MAGI2: variants seen among roughly 807,000 people sequenced by gnomAD.
MAGI2 encodes membrane associated guanylate kinase, WW and PDZ domain containing 2, also known as membrane-associated guanylate kinase, WW and PDZ domain-containing protein 2.
In MAGI2, 35 loss-of-function variants were observed where a neutral mutation model predicts 133.3. That is an observed-to-expected ratio of 0.26 (90% CI 0.20 to 0.35). The LOEUF is 0.35. Ranked by LOEUF, MAGI2 falls within the 10% of genes least tolerant of loss-of-function variation. The probability of loss-of-function intolerance (pLI) is 1.00; values close to 1 mark genes in which losing one functional copy is unlikely to be tolerated. For synonymous variants in MAGI2, 729 were observed against 710.6 expected (o/e 1.03, Z -0.41); for missense variants, 1,636 against 1,863.4 (o/e 0.88, Z 2.25).
chr7:78,246,895 C>T (rs1233994613), intron 10 of MAGI2, among the ~76,000 whole-genome samples: 6 of 152,184 alleles, frequency 3.9e-5, no homozygotes, highest in Non-Finnish European at 5.9e-5. Context: ...AAGCTGGCCC[C>T]CTGGGCCTAA....
intron 3 of MAGI2, among the ~76,000 whole-genome samples, chr7:78,605,344 C>T (rs958192377): frequency 3.3e-5 from 5 of 152,162 alleles, no homozygotes; most frequent in Non-Finnish European, 1.5e-5. Flanking sequence ...CTAATTTAGG[C>T]AACTGGGTGG....
At chr7:78,245,214 G>C (rs1791636667) in intron 10 of MAGI2, among the ~76,000 whole-genome samples, 1 of 152,138 alleles carries the variant, frequency 6.6e-6, no homozygotes, top group Non-Finnish European at 1.5e-5. Flanking sequence ...GATATTCAAG[G>C]ATAAAACTCC....
At chr7:78,864,975 T>C (rs1006607603) in intron 2 of MAGI2, among the ~76,000 whole-genome samples, 5 of 152,136 alleles carry the variant, frequency 3.3e-5, no homozygotes, top group Non-Finnish European at 7.4e-5. Flanking sequence ...GCGCAACTAG[T>C]TCCTAAATTT....
At chr7:78,353,008 C>T (rs1274999794) in intron 7 of MAGI2, 1 of 152,194 alleles carries the variant, frequency 6.6e-6, no homozygotes, top group Non-Finnish European at 1.5e-5. Context: ...TTCAGAGCCA[C>T]TAGGCATGCA....
intron 1 of MAGI2, among the ~76,000 whole-genome samples, chr7:79,129,875 C>T (rs1034270108): frequency 3.3e-5 from 5 of 152,278 alleles, no homozygotes; most frequent in South Asian, 4.1e-4. Context: ...AAATGCTGCA[C>T]ATTTCTTGTA....
chr7:78,568,926 T>C (rs1455949400), intron 3 of MAGI2, among the ~76,000 whole-genome samples: 2 of 152,168 alleles, frequency 1.3e-5, no homozygotes, highest in Admixed American at 1.3e-4. Flanking sequence ...TCCTTGCTAT[T>C]CCTTGACCGT....
At chr7:78,059,777 A>ATATTTTTTTT (rs368179491) in intron 21 of MAGI2, among the ~76,000 whole-genome samples, 71 of 146,138 alleles carry the variant, frequency 4.9e-4, no homozygotes, top group African/African-American at 1.7e-3. Flanking sequence ...ATATATATAT[A>ATATTTTTTTT]TTTTTTTTCT....
chr7:79,096,151 G>T lies in MAGI2; in HGVS notation c.302-88945C>A, dbSNP rs1362134597. Among the ~76,000 whole-genome samples the T allele has an allele frequency of 2.6e-5, 4 of 152,098 alleles. No individual in the cohort carries two copies. The East Asian group carries it at 7.7e-4, about 29-fold the overall frequency. Reference sequence around the variant, plus strand: ...GAATATGGTGTTGCTGGGAGGCATTGCTGGGAAGCATTGCTGGGATTCTCG... The same window carrying T: ...GAATATGGTGTTGCTGGGAGGCATTTCTGGGAAGCATTGCTGGGATTCTCG... On this transcript the variant is annotated intron_variant, in intron 1 of 21. Transcript: ENST00000354212.
chr7:78,943,498 T>G (rs1293875714), intron 2 of MAGI2, among the ~76,000 whole-genome samples: 5 of 152,158 alleles, frequency 3.3e-5, no homozygotes, highest in African/African-American at 1.2e-4. Context: ...GGAGGACCAG[T>G]GAAATGGCCT....
At chr7:78,749,251 A>G (rs1027006564) in intron 2 of MAGI2, among the ~76,000 whole-genome samples, 2 of 152,168 alleles carry the variant, frequency 1.3e-5, no homozygotes, top group African/African-American at 2.4e-5. Context: ...CATGGAGTTC[A>G]GGGAAGGGAA....
intron 1 of MAGI2, among the ~76,000 whole-genome samples, chr7:79,188,318 A>T (rs7791506): frequency 0.18 from 26,993 of 151,064 alleles, 5,568 homozygotes; most frequent in African/African-American, 0.49. Context: ...GTTGCTCTTT[A>T]CCCTGTGTCC....
intron 1 of MAGI2, among the ~76,000 whole-genome samples, chr7:79,009,622 G>A (rs1807842303): frequency 6.6e-6 from 1 of 152,006 alleles, no homozygotes; most frequent in Non-Finnish European, 1.5e-5. Context: ...TTAGTTTTGG[G>A]CAGAAACCTG....
chr7:78,333,812 C>T (rs1370681111), intron 9 of MAGI2, among the ~76,000 whole-genome samples: 14 of 152,146 alleles, frequency 9.2e-5, no homozygotes, highest in Admixed American at 9.2e-4. Flanking sequence ...GGTGATGAGT[C>T]CCAAAGGAAG....
chr7:79,034,581 C>CCTTCTTAGTGTATTCACTAAG (rs1342969800), intron 1 of MAGI2, among the ~76,000 whole-genome samples: 1 of 152,204 alleles, frequency 6.6e-6, no homozygotes, highest in South Asian at 2.1e-4. Context: ...GGTGAATACA[C>CCTTCTTAGTGTATTCACTAAG]AATCTTTGTG....
intron 1 of MAGI2, among the ~76,000 whole-genome samples, chr7:79,330,820 T>G (rs1840026090): frequency 1.3e-5 from 2 of 152,140 alleles, no homozygotes; most frequent in Non-Finnish European, 2.9e-5. Flanking sequence ...AGTATAAATA[T>G]GCAATACAAG....
intron 9 of MAGI2, among the ~76,000 whole-genome samples, chr7:78,282,176 TGGAA>T (rs1176498753): frequency 2.9e-5 from 4 of 135,932 alleles, no homozygotes; most frequent in Non-Finnish European, 6.0e-5. Context: ...AAAGAAGCTT[TGGAA>T]TATAATCAAT....
intron 1 of MAGI2, among the ~76,000 whole-genome samples, chr7:79,311,725 A>G (rs983702101): frequency 4.6e-5 from 7 of 152,296 alleles, no homozygotes; most frequent in Middle Eastern, 6.8e-3. Context: ...AATGTTCAAT[A>G]AACACCTCAA....
chr7:78,121,974 GAAAGC>G (rs1391732062), intron 20 of MAGI2, among the ~76,000 whole-genome samples: 20 of 152,088 alleles, frequency 1.3e-4, no homozygotes, highest in Admixed American at 1.3e-3. Flanking sequence ...ATAACATATA[GAAAGC>G]AAACCACAGA....
chr7:79,320,202 AT>A (rs1474525296), intron 1 of MAGI2, among the ~76,000 whole-genome samples: 1 of 152,142 alleles, frequency 6.6e-6, no homozygotes, highest in East Asian at 1.9e-4. Context: ...GATTTCCCAT[AT>A]ATACAAAAAA....
Sources: allele counts gnomAD v4.1 joint callset (sites outside exome capture counted in the v4.1 genomes callset), GRCh38; gene constraint gnomAD v4.1.1; transcripts MANE v1.5; gene names NCBI Gene and HGNC (gene_info 2026-07-23, HGNC 2026-07-21).